HDC: variants seen among roughly 807,000 people sequenced by gnomAD.
HDC encodes the protein histidine decarboxylase.
Under a neutral mutation model 64.4 loss-of-function variants are expected in HDC, and 27 were observed. That is an observed-to-expected ratio of 0.42 (90% CI 0.31 to 0.58). The LOEUF (loss-of-function observed/expected upper bound fraction) is 0.58. Ranked by LOEUF, HDC falls within the 20% of genes least tolerant of loss-of-function variation. HDC has a pLI of 0.16. For missense variants in HDC, 711 were observed against 833.9 expected (o/e 0.85, Z 1.81); for synonymous variants, 305 against 314.2 (o/e 0.97, Z 0.31).
At chr15:50,261,888 T>C (rs2045708775) in intron 2 of HDC, among the ~76,000 whole-genome samples, 1 of 152,028 alleles carries the variant, frequency 6.6e-6, no homozygotes. Flanking sequence ...TTTGTATTTT[T>C]AGTAGAGACG....
intron 4 of HDC, 85 bp from the exon 5 acceptor site, chr15:50,254,749 TC>T: frequency 2.3e-6 from 2 of 852,704 alleles, no homozygotes; most frequent in Non-Finnish European, 3.7e-6. Flanking sequence ...TCTCTCTCTC[TC>T]TCTCTCTCTC....
At chr15:50,249,327 A>C (rs1595703068) in intron 9 of HDC, among the ~76,000 whole-genome samples, 1 of 152,238 alleles carries the variant, frequency 6.6e-6, no homozygotes, top group Non-Finnish European at 1.5e-5. Flanking sequence ...TCCTAATGAC[A>C]TCTCCCTCAA....
At chr15:50,246,993 A>G (rs1440907068) in intron 10 of HDC, among the ~76,000 whole-genome samples, 2 of 152,212 alleles carry the variant, frequency 1.3e-5, no homozygotes, top group Non-Finnish European at 2.9e-5. Context: ...CCAGGCACAG[A>G]AGGACAAATT....
chr15:50,258,490 G>T lies in HDC; in HGVS notation c.232C>A (p.His78Asn). 6.2e-7 allele frequency: 1 copy of T among 1,612,942 alleles called. No homozygotes were observed. The highest frequency in any genetic ancestry group is 8.5e-7 in the Non-Finnish European group (1 of 1,179,036). ...GVVHWQSPHM[H>N]AYYPALTSWP... ...GAGGTGAGGGCTGGGTAGTAGGCGT[G>T]CATATGGGGGCTCTGCCAATGTACC... The change falls in exon 3 of 12, where the codon CAC (histidine) becomes AAC (asparagine). Residue 78 changes from histidine (H) to asparagine (N), a missense_variant. By Grantham distance (68) the His-to-Asn change is moderately conservative. Coordinates refer to ENST00000267845, the MANE Select transcript of HDC (RefSeq NM_002112.4).
chr15:50,247,631 G>A (rs190779723), intron 10 of HDC, among the ~76,000 whole-genome samples: 8 of 152,234 alleles, frequency 5.3e-5, no homozygotes, highest in African/African-American at 9.6e-5. Flanking sequence ...GTTAAGTCCC[G>A]CTTCTTCCAT....
intron 9 of HDC, 85 bp downstream of exon 9, chr15:50,252,345 C>A: frequency 1.0e-6 from 1 of 981,988 alleles, no homozygotes; most frequent in South Asian, 1.3e-5. Context: ...TGAAGGGAGC[C>A]ACCGTACAGA....
chr15:50,243,216 G>A lies in HDC; in HGVS notation c.1169C>T (p.Ser390Phe). 6.2e-7 allele frequency: 1 copy of A among 1,613,398 alleles called. No individual in the cohort carries two copies. Among genetic ancestry groups the A allele is most frequent in the South Asian group, 1.1e-5 (1 of 91,060 alleles). The change falls in exon 11 of 12, where the codon TCT becomes TTT. Residue 390 changes from serine to phenylalanine, a missense_variant. Transcript: ENST00000267845. ...AAAGGAAGGGTCGTTTCTGACCAGAGATTCAAAATATTTAGCCATTTCAGT... is the reference window on the plus strand; with the variant it reads ...AAAGGAAGGGTCGTTTCTGACCAGAAATTCAAAATATTTAGCCATTTCAGT... ...HGTEMAKYFE[S>F]LVRNDPSFEI...
At chr15:50,245,415 G>GA (rs2045467612) in intron 10 of HDC, among the ~76,000 whole-genome samples, 1 of 152,008 alleles carries the variant, frequency 6.6e-6, no homozygotes, top group African/African-American at 2.4e-5. Context: ...GATGATGATG[G>GA]TGATGATGAT....
At chr15:50,264,394 T>C (rs943510965) in intron 1 of HDC, among the ~76,000 whole-genome samples, 2 of 152,148 alleles carry the variant, frequency 1.3e-5, no homozygotes, top group African/African-American at 4.8e-5. Flanking sequence ...CAAATCTTAA[T>C]GACTTTCTCT....
At chr15:50,252,809 G>T (rs774415463) in intron 7 of HDC, 35 bp from the exon 8 acceptor site, 8 of 1,588,248 alleles carry the variant, frequency 5.0e-6, no homozygotes, top group Non-Finnish European at 5.1e-6. Flanking sequence ...CGGAGGGGAG[G>T]TATGAAGTGG....
chr15:50,265,490 A>G, intron 1 of HDC, 103 bp downstream of exon 1: 1 of 1,012,362 alleles, frequency 9.9e-7, no homozygotes, highest in South Asian at 1.3e-5. Flanking sequence ...GGCAATTCTA[A>G]TGCTCCCATC....
intron 4 of HDC, 151 bp from the exon 5 acceptor site, chr15:50,254,815 A>T: frequency 1.2e-6 from 1 of 844,686 alleles, no homozygotes; most frequent in Non-Finnish European, 1.9e-6. Context: ...TGTCATAGCT[A>T]TTCACAGAAG....
intron 5 of HDC, 128 bp downstream of exon 5, chr15:50,254,402 A>T: frequency 6.5e-7 from 1 of 1,532,956 alleles, no homozygotes. Flanking sequence ...CAGTTGCTGG[A>T]GACAAGCTCC....
chr15:50,250,609 G>C (rs760789211), intron 9 of HDC, among the ~76,000 whole-genome samples: 9 of 152,128 alleles, frequency 5.9e-5, no homozygotes, highest in Admixed American at 1.3e-4. Context: ...GGGCAAGGGT[G>C]AATATAATGC....
At position 50,242,650 on chromosome 15, in the gene HDC, G is replaced by T; in HGVS notation, c.1599C>A (p.Pro533=). The change falls in exon 12 of 12, where the codon CCC becomes CCA. Residue 533 remains proline, a synonymous_variant. Transcript: ENST00000267845. ...GATGGAGGCCATTTTCCCTTTTCATGGGACCGGCTCCCACACGCTGAGGCT... is the reference window on the plus strand; with the variant it reads ...GATGGAGGCCATTTTCCCTTTTCATTGGACCGGCTCCCACACGCTGAGGCT... The part of the protein sequence containing the change: ...IKQPQRVGAG[P]MKRENGLHLE... The T allele has an allele frequency of 6.2e-7, 1 of 1,614,140 alleles. No homozygotes were observed. Among genetic ancestry groups the T allele is most frequent in the Non-Finnish European group, 8.5e-7 (1 of 1,180,032 alleles).
chr15:50,248,573 G>A lies in HDC; in HGVS notation c.1042-230C>T, dbSNP rs1476724634. ...AGTCACTTGTCTGAGAGCCAGACAA[G>A]TGGAAGTCAAGTCCATTACCCTGAA... On this transcript the variant is annotated intron_variant, in intron 9 of 11. Coordinates refer to ENST00000267845, the MANE Select transcript of HDC (RefSeq NM_002112.4). The surrounding 1 kb of genome is among the most constrained non-coding windows in gnomAD (Gnocchi z 4.3). Among the ~76,000 whole-genome samples, 2 of 152,180 alleles carry A rather than the reference G, an allele frequency of 1.3e-5. No individual in the cohort carries two copies. Among genetic ancestry groups the A allele is most frequent in the African/African-American group, 2.4e-5 (1 of 41,446 alleles).
chr15:50,253,026 A>C (rs1161389108), intron 7 of HDC: 1 of 555,234 alleles, frequency 1.8e-6, no homozygotes. Context: ...AAGGGCCAGC[A>C]CCCTCTTGGC....
intron 1 of HDC, among the ~76,000 whole-genome samples, chr15:50,264,061 G>C (rs1384445210): frequency 6.6e-6 from 1 of 151,914 alleles, no homozygotes; most frequent in Non-Finnish European, 1.5e-5. Context: ...CTATTTTATA[G>C]GTTCAATAGA....
chr15:50,242,419 G>A lies in HDC; in HGVS notation c.1830C>T (p.Ser610=). The change falls in exon 12 of 12, where the codon TCC becomes TCT. Residue 610 remains serine, a synonymous_variant. Coordinates refer to ENST00000267845, the MANE Select transcript of HDC (RefSeq NM_002112.4). ...TEASVKNGGS[S]RVRIFSRFPE... ...GAAACCTGGAAAAGATTCTGACCCT[G>A]GAGGAGCCCCCATTCTTCACAGAGG... is the stretch of plus-strand genomic sequence containing the variant. 6.2e-7 allele frequency: 1 copy of A among 1,614,164 alleles called. No individual in the cohort carries two copies. The highest frequency in any genetic ancestry group is 2.2e-5 in the East Asian group (1 of 44,880).
Sources: allele counts gnomAD v4.1 joint callset (sites outside exome capture counted in the v4.1 genomes callset), GRCh38; gene constraint gnomAD v4.1.1; non-coding constraint Gnocchi (gnomAD v3.1); transcripts MANE v1.5; gene names NCBI Gene and HGNC (gene_info 2026-07-23, HGNC 2026-07-21).